Variants in FAM89A observed in about 807,000 individuals in gnomAD.
The protein encoded by FAM89A is protein FAM89A.
Under a neutral mutation model 7.1 loss-of-function variants are expected in FAM89A, and 10 were observed. The ratio of observed to expected loss-of-function variants is 1.40; its 90% CI spans 0.86 to 2.38. The LOEUF (loss-of-function observed/expected upper bound fraction) is 2.38. Among genes scored for constraint, FAM89A ranks in the 30% most tolerant of loss-of-function variants. The probability of loss-of-function intolerance (pLI) is 0.00; values close to 1 mark genes in which losing one functional copy is unlikely to be tolerated. For synonymous variants in FAM89A, 157 were observed against 129.3 expected (o/e 1.21, Z -1.45); for missense variants, 276 against 262.8 (o/e 1.05, Z -0.35).
chr1:231,040,207 C>G lies in FAM89A; in HGVS notation c.5G>C (p.Ser2Thr). 9.3e-7 allele frequency: 1 copy of G among 1,074,386 alleles called. No individual in the cohort carries two copies. The highest frequency in any genetic ancestry group is 7.0e-5 in the East Asian group (1 of 14,356). 66.6% of individuals were successfully genotyped at this position (1,074,386 alleles called of 1,614,324 possible). A position where few individuals can be genotyped will look rare whatever the true frequency, so the allele number is the denominator to read the frequency against. ...GGCCCCGGGCGCCGCCCGGGCCCCA[C>G]TCATCGCGCCGCGGCCCGGCCACGC... M[S>T]GARAAPGAAG... Residue 2 changes from serine to threonine, a missense_variant, in exon 1 of 2, where the codon AGT becomes ACT. Ser to Thr is a moderately conservative substitution (Grantham distance 58). Coordinates refer to ENST00000366654, the MANE Select transcript of FAM89A (RefSeq NM_198552.3).
intron 1 of FAM89A, chr1:231,022,029 C>A: frequency 1.5e-6 from 2 of 1,379,234 alleles, no homozygotes; most frequent in Non-Finnish European, 2.1e-6. Flanking sequence ...GACAGATATT[C>A]AGAGATCGTG....
At chr1:231,027,248 G>A (rs925675559) in intron 1 of FAM89A, among the ~76,000 whole-genome samples, 10 of 152,096 alleles carry the variant, frequency 6.6e-5, no homozygotes, top group African/African-American at 2.4e-4. Flanking sequence ...GCAGGGAGTC[G>A]AAAGCAAAGA....
At chr1:231,027,550 C>G (rs139269162) in intron 1 of FAM89A, among the ~76,000 whole-genome samples, 2,274 of 152,272 alleles carry the variant, frequency 0.015, 31 homozygotes, top group Non-Finnish European at 0.023. Flanking sequence ...ACCAGAAATC[C>G]TCTAAATCAG....
rs564362780 is a variant in FAM89A at position 231,020,240 on chromosome 1, A to G, written c.292-114T>C. On this transcript the variant is annotated intron_variant, in intron 1 of 1. Transcript: ENST00000366654. ...CCAGCACATTCCTTCCACACGGCGC[A>G]TGATTCAGAGCATCACTCGGATGCT... is the stretch of plus-strand genomic sequence containing the variant. The G allele has an allele frequency of 1.4e-5, 16 of 1,111,820 alleles. No individual in the cohort carries two copies. The South Asian group carries it at 1.9e-4, about 13-fold the overall frequency. The allele number at this position is 1,111,820 out of a possible 1,614,324, so 68.9% of individuals were successfully genotyped here.
intron 1 of FAM89A, among the ~76,000 whole-genome samples, chr1:231,037,995 G>T (rs1171939150): frequency 6.6e-6 from 1 of 152,172 alleles, no homozygotes; most frequent in Non-Finnish European, 1.5e-5. Flanking sequence ...TCTCAGGAAT[G>T]AACTCCCAGT....
chr1:231,033,245 C>A (rs1049063113), intron 1 of FAM89A, among the ~76,000 whole-genome samples: 1 of 152,196 alleles, frequency 6.6e-6, no homozygotes. Flanking sequence ...ATGACACTGG[C>A]AACGGGGGCA....
chr1:231,040,097 A>G lies in FAM89A; in HGVS notation c.115T>C (p.Ser39Pro). ...CAGCCCCCAGACGCGCCGCCGCCCGACGCCGAGTGCAGCAGCCCGCTCAAG... is the reference window on the plus strand; with the variant it reads ...CAGCCCCCAGACGCGCCGCCGCCCGGCGCCGAGTGCAGCAGCCCGCTCAAG... ...KSLSGLLHSA[S>P]GGGASGGWRH... Residue 39 changes from serine to proline, a missense_variant, in exon 1 of 2, where the codon TCG becomes CCG. By Grantham distance (74) the Ser-to-Pro change is moderately conservative. Coordinates refer to ENST00000366654, the MANE Select transcript of FAM89A (RefSeq NM_198552.3). 7.0e-7 allele frequency: 1 copy of G among 1,436,700 alleles called. No individual in the cohort carries two copies. Among genetic ancestry groups the G allele is most frequent in the Non-Finnish European group, 9.1e-7 (1 of 1,095,810 alleles). The allele number at this position is 1,436,700 out of a possible 1,614,324, so 89.0% of individuals were successfully genotyped here.
intron 1 of FAM89A, chr1:231,022,087 T>C (rs1382556488): frequency 5.7e-6 from 8 of 1,401,796 alleles, no homozygotes; most frequent in Non-Finnish European, 8.1e-6. Flanking sequence ...ATGTCTTCTG[T>C]AGCCAGTGCC....
At chr1:231,027,379 C>T (rs1454940655) in intron 1 of FAM89A, among the ~76,000 whole-genome samples, 1 of 152,180 alleles carries the variant, frequency 6.6e-6, no homozygotes, top group East Asian at 1.9e-4. Flanking sequence ...AGCGCAGCCC[C>T]GCACACACCT....
chr1:231,028,474 G>A (rs1289787553), intron 1 of FAM89A: 3 of 152,092 alleles, frequency 2.0e-5, no homozygotes, highest in Non-Finnish European at 4.4e-5. Context: ...CAGAAAAAGA[G>A]TGGCTGGGGA....
chr1:231,020,812 C>T (rs756800551), intron 1 of FAM89A, among the ~76,000 whole-genome samples: 3 of 152,186 alleles, frequency 2.0e-5, no homozygotes, highest in African/African-American at 2.4e-5. Flanking sequence ...CAAAAACAAG[C>T]AGCAAAAGAA....
intron 1 of FAM89A, among the ~76,000 whole-genome samples, chr1:231,023,026 C>T (rs1053009139): frequency 1.1e-4 from 17 of 152,172 alleles, no homozygotes; most frequent in African/African-American, 2.4e-4. Flanking sequence ...AAAATCCATC[C>T]GGTGTTTGCC....
intron 1 of FAM89A, among the ~76,000 whole-genome samples, chr1:231,027,768 A>G (rs909306926): frequency 3.3e-5 from 5 of 152,100 alleles, no homozygotes; most frequent in Non-Finnish European, 7.4e-5. Flanking sequence ...ACTGTCCCCC[A>G]TGACACCCTC....
chr1:231,039,729 G>A (rs1680223712), intron 1 of FAM89A, among the ~76,000 whole-genome samples, 192 bp downstream of exon 1: 2 of 152,146 alleles, frequency 1.3e-5, no homozygotes, highest in South Asian at 2.1e-4. Flanking sequence ...TCTCCCGCGG[G>A]GGTTCCAATC....
At chr1:231,032,813 T>C (rs1490547987) in intron 1 of FAM89A, among the ~76,000 whole-genome samples, 5 of 152,136 alleles carry the variant, frequency 3.3e-5, no homozygotes, top group Non-Finnish European at 4.4e-5. Flanking sequence ...TCCCCAACAA[T>C]TACCCGCTGA....
chr1:231,035,183 T>C (rs1680139705), intron 1 of FAM89A, among the ~76,000 whole-genome samples: 1 of 152,208 alleles, frequency 6.6e-6, no homozygotes. Context: ...TCCAGTTCAC[T>C]GGACAAGCTC....
chr1:231,033,522 C>G lies in FAM89A; in HGVS notation c.291+6399G>C, dbSNP rs142744475. Among the ~76,000 whole-genome samples the G allele has an allele frequency of 1.2e-3, 176 of 152,266 alleles. 2 individuals carry two copies. Among genetic ancestry groups the G allele is most frequent in the South Asian group, 0.01 (50 of 4,820 alleles). On this transcript the variant is annotated intron_variant, in intron 1 of 1. Transcript: ENST00000366654. ...TGGCCTCAGGGGGCTACAGCCATGT[C>G]GGTGAGACCAGGACCCAGAGCAGGG...
intron 1 of FAM89A, among the ~76,000 whole-genome samples, chr1:231,038,598 T>G (rs2103078304): frequency 6.6e-6 from 1 of 152,350 alleles, no homozygotes; most frequent in Middle Eastern, 3.4e-3. Flanking sequence ...TTTAATAAAT[T>G]AAAAACGGTT....
chr1:231,021,801 A>G, intron 1 of FAM89A: 3 of 1,603,044 alleles, frequency 1.9e-6, no homozygotes, highest in Non-Finnish European at 2.6e-6. Context: ...CTGACTCACA[A>G]TGACTCTGTT....
Sources: allele counts gnomAD v4.1 joint callset (sites outside exome capture counted in the v4.1 genomes callset), GRCh38; gene constraint gnomAD v4.1.1; transcripts MANE v1.5; gene names NCBI Gene and HGNC (gene_info 2026-07-23, HGNC 2026-07-21).